COL19A1: variants seen among roughly 807,000 people sequenced by gnomAD.
COL19A1 encodes the protein collagen alpha-1(XIX) chain.
Under a neutral mutation model 190.2 loss-of-function variants are expected in COL19A1, and 159 were observed. The observed-to-expected ratio is 0.84, with a 90% CI of 0.73 to 0.95. COL19A1 has a LOEUF of 0.95. Among genes scored for constraint, COL19A1 ranks in the 40% least tolerant of loss-of-function variants. COL19A1 has a pLI of 0.00. For synonymous variants in COL19A1, 509 were observed against 458.9 expected, an observed-to-expected ratio of 1.11 and a Z score of -1.39; for missense variants, 1,418 against 1,431.9, an observed-to-expected ratio of 0.99 and a Z score of 0.16.
intron 9 of COL19A1, among the ~76,000 whole-genome samples, chr6:69,954,667 T>C (rs115523601): frequency 0.013 from 1,945 of 152,148 alleles, 43 homozygotes; most frequent in African/African-American, 0.038. Context: ...GAAAGTATGC[T>C]CTTCCCTCTC....
intron 4 of COL19A1, among the ~76,000 whole-genome samples, chr6:69,911,857 C>G (rs1770943923): frequency 1.3e-5 from 2 of 152,186 alleles, no homozygotes; most frequent in Non-Finnish European, 2.9e-5. Context: ...ATACTTAATC[C>G]TTCCCTATTA....
chr6:70,176,526 C>T lies in COL19A1; in HGVS notation c.2629C>T (p.Arg877Ter), dbSNP rs773583688. The T allele has an allele frequency of 3.1e-6, 5 of 1,613,444 alleles. No individual in the cohort carries two copies. The highest frequency in any genetic ancestry group is 2.2e-5 in the East Asian group (1 of 44,836). ...LEGFPGVKGD[R>*]GPAGPPGIAG... Reference sequence around the variant, plus strand: ...TGTTTTTAAATCCCAACAGGGAGATCGAGGCCCAGCAGGTCCCCCAGGAAT... The same window carrying T: ...TGTTTTTAAATCCCAACAGGGAGATTGAGGCCCAGCAGGTCCCCCAGGAAT... The change falls in exon 42 of 51, where the codon CGA (arginine) becomes TGA (stop). Residue 877 changes from arginine to a stop codon, truncating the protein, a stop_gained. Coordinates refer to ENST00000620364, the MANE Select transcript of COL19A1 (RefSeq NM_001858.6). LOFTEE classifies it high-confidence loss of function.
intron 11 of COL19A1, among the ~76,000 whole-genome samples, chr6:70,008,367 G>T (rs1777764170): frequency 6.6e-6 from 1 of 151,728 alleles, no homozygotes; most frequent in African/African-American, 2.4e-5. Context: ...CACCACTACA[G>T]ACCCTACAGA....
intron 16 of COL19A1, among the ~76,000 whole-genome samples, chr6:70,117,397 G>T (rs1784638299): frequency 6.6e-6 from 1 of 152,182 alleles, no homozygotes; most frequent in South Asian, 2.1e-4. Flanking sequence ...AATGCAAATA[G>T]CTCATCATTT....
chr6:69,993,570 T>TG (rs1331742587), intron 11 of COL19A1, among the ~76,000 whole-genome samples: 1 of 152,102 alleles, frequency 6.6e-6, no homozygotes, highest in Non-Finnish European at 1.5e-5. Context: ...GAATTGGCTG[T>TG]GGATCTACCT....
chr6:70,055,733 G>A (rs1224474193), intron 14 of COL19A1, among the ~76,000 whole-genome samples: 1 of 139,104 alleles, frequency 7.2e-6, no homozygotes, highest in East Asian at 2.1e-4. Context: ...ACTGAGCCAA[G>A]ATCGTGCCAC....
intron 14 of COL19A1, among the ~76,000 whole-genome samples, chr6:70,063,791 G>T (rs1208154918): frequency 6.6e-6 from 1 of 151,914 alleles, no homozygotes; most frequent in African/African-American, 2.4e-5. Context: ...ATGATAAAGG[G>T]GATATCACCA....
chr6:70,151,326 A>G, intron 30 of COL19A1, 71 bp from the exon 31 acceptor site: 2 of 1,480,128 alleles, frequency 1.4e-6, no homozygotes, highest in South Asian at 1.2e-5. Context: ...TGTCTACATT[A>G]TACTGTATGT....
chr6:70,046,060 T>C (rs1226719215), intron 14 of COL19A1, among the ~76,000 whole-genome samples: 1 of 152,236 alleles, frequency 6.6e-6, no homozygotes, highest in Non-Finnish European at 1.5e-5. Context: ...AAGCCCATTT[T>C]TGTAATACAA....
chr6:70,099,218 A>T (rs1783478107), intron 15 of COL19A1, among the ~76,000 whole-genome samples: 1 of 152,042 alleles, frequency 6.6e-6, no homozygotes, highest in African/African-American at 2.4e-5. Flanking sequence ...CTTAAGTCTC[A>T]AGAGTTTTTC....
chr6:69,932,236 T>C (rs1237296793), intron 6 of COL19A1, among the ~76,000 whole-genome samples: 1 of 152,050 alleles, frequency 6.6e-6, no homozygotes, highest in African/African-American at 2.4e-5. Flanking sequence ...TTGTTAGCCC[T>C]GCTTAGATTA....
intron 17 of COL19A1, among the ~76,000 whole-genome samples, 175 bp from the exon 18 acceptor site, chr6:70,130,007 T>A (rs1785426382): frequency 6.6e-6 from 1 of 152,172 alleles, no homozygotes; most frequent in Admixed American, 6.5e-5. Context: ...TAGAAGAATA[T>A]TTAACAGGAA....
chr6:70,164,319 A>G (rs929970279), intron 36 of COL19A1, among the ~76,000 whole-genome samples: 1 of 152,148 alleles, frequency 6.6e-6, no homozygotes, highest in African/African-American at 2.4e-5. Context: ...CAGATCCAGC[A>G]AGTAAGTGGA....
intron 42 of COL19A1, 114 bp from the exon 43 acceptor site, chr6:70,180,197 TG>T: frequency 8.5e-7 from 1 of 1,172,678 alleles, no homozygotes; most frequent in South Asian, 1.4e-5. Flanking sequence ...GAAATGCCAC[TG>T]GAGAGCATCA....
At chr6:69,877,075 T>G (rs1473592488) in intron 1 of COL19A1, among the ~76,000 whole-genome samples, 1 of 152,140 alleles carries the variant, frequency 6.6e-6, no homozygotes, top group African/African-American at 2.4e-5. Flanking sequence ...TTTTCCAGAG[T>G]GTCTACTGAT....
At chr6:70,030,947 C>T (rs75244706) in intron 12 of COL19A1, among the ~76,000 whole-genome samples, 402 of 152,326 alleles carry the variant, frequency 2.6e-3, no homozygotes, top group Non-Finnish European at 5.0e-3. Context: ...TCTTGCTGCC[C>T]ATAATTTGTG....
chr6:69,961,423 T>G (rs1000234697), intron 10 of COL19A1, among the ~76,000 whole-genome samples: 11 of 152,222 alleles, frequency 7.2e-5, no homozygotes, highest in African/African-American at 2.2e-4. Flanking sequence ...CCAAGGGATG[T>G]GCAGATTTAT....
chr6:70,089,280 C>G (rs1421887406), intron 15 of COL19A1, among the ~76,000 whole-genome samples: 1 of 152,100 alleles, frequency 6.6e-6, no homozygotes, highest in Non-Finnish European at 1.5e-5. Context: ...CAGCCATGAT[C>G]CAAGATAAGG....
At chr6:69,896,401 G>GTGGC (rs1240111000) in intron 2 of COL19A1, among the ~76,000 whole-genome samples, 3 of 151,770 alleles carry the variant, frequency 2.0e-5, no homozygotes, top group Non-Finnish European at 4.4e-5. Context: ...GCCGGGCGCG[G>GTGGC]TGGCGGGTGC....
Sources: allele counts gnomAD v4.1 joint callset (sites outside exome capture counted in the v4.1 genomes callset), GRCh38; gene constraint gnomAD v4.1.1; transcripts MANE v1.5; gene names NCBI Gene and HGNC (gene_info 2026-07-23, HGNC 2026-07-21).